Variants in ADAM7 observed in about 807,000 individuals in gnomAD.
The protein encoded by ADAM7 is ADAM metallopeptidase domain 7, also known as disintegrin and metalloproteinase domain-containing protein 7.
Under a neutral mutation model 102.9 loss-of-function variants are expected in ADAM7, and 97 were observed. The ratio of observed to expected loss-of-function variants is 0.94; its 90% CI spans 0.80 to 1.12. The LOEUF (loss-of-function observed/expected upper bound fraction) is 1.12, where lower values mean the gene tolerates loss of function less well. Among genes scored for constraint, ADAM7 ranks in the 50% most tolerant of loss-of-function variants. The pLI, the probability that ADAM7 is intolerant of heterozygous loss-of-function variation, is 0.00. For synonymous variants in ADAM7, 334 were observed against 304.4 expected, an observed-to-expected ratio of 1.10 and a Z score of -1.01; for missense variants, 991 against 908.7, an observed-to-expected ratio of 1.09 and a Z score of -1.16.
At chr8:24,464,448 A>G (rs1819356694) in intron 4 of ADAM7, among the ~76,000 whole-genome samples, 1 of 152,050 alleles carries the variant, frequency 6.6e-6, no homozygotes, top group African/African-American at 2.4e-5. Context: ...TTATTATTCC[A>G]TTAATTTTAA....
intron 8 of ADAM7, 93 bp downstream of exon 8, chr8:24,476,597 A>G: frequency 2.2e-6 from 2 of 901,126 alleles, no homozygotes; most frequent in Non-Finnish European, 3.4e-6. Flanking sequence ...TAGTTACCTG[A>G]TATTAAGGGA....
chr8:24,497,673 C>A (rs1174542224), intron 16 of ADAM7, among the ~76,000 whole-genome samples: 1 of 151,958 alleles, frequency 6.6e-6, no homozygotes, highest in African/African-American at 2.4e-5. Flanking sequence ...GAAATAATCA[C>A]AATATGTCCC....
chr8:24,505,825 C>T (rs1157685464), intron 20 of ADAM7, among the ~76,000 whole-genome samples: 1 of 152,012 alleles, frequency 6.6e-6, no homozygotes, highest in Non-Finnish European at 1.5e-5. Context: ...ATTCAAGGCC[C>T]AAAGGAATGT....
chr8:24,466,704 CTTTGTGGTTTCTCT>C lies in ADAM7; in HGVS notation c.390-92_390-79del, dbSNP rs1819437468. Reference sequence around the variant, plus strand: ...CTCCTACCTGTTCATGAAGCACTGGCTTTGTGGTTTCTCTTTCTTGAAAAGGCAAAGTCAATACA... The same window carrying C: ...CTCCTACCTGTTCATGAAGCACTGGCTTCTTGAAAAGGCAAAGTCAATACA... On this transcript the variant is annotated intron_variant, in intron 5 of 21. Coordinates refer to ENST00000175238, the MANE Select transcript of ADAM7 (RefSeq NM_003817.4). The C allele has an allele frequency of 3.5e-6, 4 of 1,152,352 alleles. No homozygotes were observed. In the East Asian group the frequency reaches 9.7e-5, roughly 28 times the overall value. 71.4% of individuals were successfully genotyped at this position (1,152,352 alleles called of 1,614,324 possible).
chr8:24,460,610 T>C (rs911224787), intron 3 of ADAM7, among the ~76,000 whole-genome samples: 3 of 152,082 alleles, frequency 2.0e-5, no homozygotes, highest in African/African-American at 7.2e-5. Context: ...AATTAATCAT[T>C]AAGTTATAGT....
At chr8:24,497,525 T>C (rs1820600741) in intron 16 of ADAM7, among the ~76,000 whole-genome samples, 2 of 152,098 alleles carry the variant, frequency 1.3e-5, no homozygotes, top group South Asian at 2.1e-4. Flanking sequence ...GCTAAACTTC[T>C]TAACACAATA....
chr8:24,450,257 C>T (rs373747501), intron 3 of ADAM7, among the ~76,000 whole-genome samples: 25 of 152,198 alleles, frequency 1.6e-4, no homozygotes, highest in East Asian at 1.4e-3. Flanking sequence ...GCCATTTTCA[C>T]GATATTGATT....
intron 2 of ADAM7, 128 bp downstream of exon 2, chr8:24,442,704 T>A: frequency 1.4e-6 from 1 of 730,770 alleles, no homozygotes; most frequent in African/African-American, 1.7e-5. Flanking sequence ...CCATTCGGCA[T>A]ACACCATGTG....
At chr8:24,442,638 C>T in intron 2 of ADAM7, 62 bp downstream of exon 2, 1 of 1,310,764 alleles carries the variant, frequency 7.6e-7, no homozygotes, top group Non-Finnish European at 1.1e-6. Flanking sequence ...ACAGTTGTCT[C>T]TAGCTCCAAC....
At chr8:24,480,734 A>G (rs1819920798) in intron 8 of ADAM7, among the ~76,000 whole-genome samples, 1 of 152,062 alleles carries the variant, frequency 6.6e-6, no homozygotes, top group African/African-American at 2.4e-5. Flanking sequence ...TCTAAAGTTT[A>G]CCATACATTA....
chr8:24,449,394 T>C (rs1818689954), intron 3 of ADAM7, among the ~76,000 whole-genome samples: 1 of 152,248 alleles, frequency 6.6e-6, no homozygotes, highest in South Asian at 2.1e-4. Flanking sequence ...TGCATTTCTC[T>C]GATGGCCAGT....
intron 7 of ADAM7, 143 bp downstream of exon 7, chr8:24,468,963 C>T (rs1819519405): frequency 1.4e-6 from 1 of 710,018 alleles, no homozygotes; most frequent in Non-Finnish European, 2.2e-6. Flanking sequence ...AACAGACATA[C>T]ATAAGAGATT....
chr8:24,502,500 T>G (rs1204271721), intron 20 of ADAM7, among the ~76,000 whole-genome samples: 1 of 151,926 alleles, frequency 6.6e-6, no homozygotes, highest in Non-Finnish European at 1.5e-5. Context: ...TTTATAAGCC[T>G]CCAGCCAGTC....
In ADAM7 at chr8:24,463,942, C is replaced by CA. The variant is rs1175690627; in HGVS notation, c.295dup (p.Arg99LysfsTer20). ...ACTCCATGAAAGGAGAAGCGTTCACCAGGCATCCTCAGATCATGGTATCTT... is the reference window on the plus strand; with the variant it reads ...ACTCCATGAAAGGAGAAGCGTTCACCAAGGCATCCTCAGATCATGGTATCTT... On this transcript the variant is annotated frameshift_variant, in exon 4 of 22. Coordinates refer to ENST00000175238, the MANE Select transcript of ADAM7 (RefSeq NM_003817.4). LOFTEE classifies it high-confidence loss of function. 2 of 1,612,990 alleles carry CA rather than the reference C, an allele frequency of 1.2e-6. No individual in the cohort carries two copies. The highest frequency in any genetic ancestry group is 2.2e-5 in the South Asian group (2 of 91,050).
chr8:24,453,124 G>A (rs1482275295), intron 3 of ADAM7, among the ~76,000 whole-genome samples: 1 of 151,754 alleles, frequency 6.6e-6, no homozygotes, highest in African/African-American at 2.4e-5. Context: ...TGACAATTAT[G>A]TGTGTTGGAG....
intron 6 of ADAM7, 149 bp from the exon 7 acceptor site, chr8:24,468,618 G>A (rs557634789): frequency 4.1e-5 from 27 of 658,356 alleles, no homozygotes; most frequent in South Asian, 3.2e-4. Context: ...AGATAAATTC[G>A]TACAATTTTT....
intron 6 of ADAM7, 126 bp from the exon 7 acceptor site, chr8:24,468,641 G>T: frequency 1.3e-6 from 1 of 745,184 alleles, no homozygotes. Flanking sequence ...ATATTCATAT[G>T]CCTCCCCATT....
Position 24,472,127 on chromosome 8 carries a change from A to C in ADAM7, c.633+3307A>C, listed in dbSNP as rs1372269069. 3.8e-3 allele frequency among the ~76,000 whole-genome samples: 580 copies of C among 151,446 alleles called. 3 individuals carry two copies. Among genetic ancestry groups the C allele is most frequent in the Non-Finnish European group, 6.1e-3 (415 of 67,710 alleles). ...AACAAAGTATAAAAAGATAACAAAA[A>C]AAAAAAAAAAACAGGTTTGCCAGAA... On this transcript the variant is annotated intron_variant, in intron 7 of 21. Transcript: ENST00000175238.
At chr8:24,482,829 T>A (rs745474165) in intron 9 of ADAM7, among the ~76,000 whole-genome samples, 1 of 152,144 alleles carries the variant, frequency 6.6e-6, no homozygotes, top group Non-Finnish European at 1.5e-5. Context: ...AAAGAAAAAA[T>A]CTGATATATT....
Sources: allele counts gnomAD v4.1 joint callset (sites outside exome capture counted in the v4.1 genomes callset), GRCh38; gene constraint gnomAD v4.1.1; transcripts MANE v1.5; gene names NCBI Gene and HGNC (gene_info 2026-07-23, HGNC 2026-07-21).